The following DOCK1 variants were observed in gnomAD, a reference collection of about 807,000 sequenced individuals.
DOCK1 encodes the protein dedicator of cytokinesis protein 1.
In DOCK1, 138 loss-of-function variants were observed where a neutral mutation model predicts 262.7. The ratio of observed to expected loss-of-function variants is 0.53; its 90% CI spans 0.46 to 0.61. The LOEUF is 0.61. DOCK1 is among the 20% of genes least tolerant of loss of function. The pLI, the probability that DOCK1 is intolerant of heterozygous loss-of-function variation, is 0.00. For missense variants in DOCK1, 1,908 were observed against 2,370.7 expected, an observed-to-expected ratio of 0.80 and a Z score of 4.05; for synonymous variants, 866 against 867.4, an observed-to-expected ratio of 1.00 and a Z score of 0.03.
chr10:127,324,905 G>C (rs183669507), intron 29 of DOCK1, among the ~76,000 whole-genome samples: 1 of 152,246 alleles, frequency 6.6e-6, no homozygotes, highest in East Asian at 1.9e-4. Context: ...AATTTGCATG[G>C]ATAGTCATCT....
intron 23 of DOCK1, among the ~76,000 whole-genome samples, chr10:127,101,551 CA>C (rs2048248121): frequency 6.6e-6 from 1 of 152,208 alleles, no homozygotes; most frequent in South Asian, 2.1e-4. Flanking sequence ...GTCCCCGCCT[CA>C]GGGGGCACAA....
At chr10:127,090,150 G>C (rs1430672428) in intron 23 of DOCK1, among the ~76,000 whole-genome samples, 1 of 152,114 alleles carries the variant, frequency 6.6e-6, no homozygotes, top group Non-Finnish European at 1.5e-5. Context: ...TTCCTGGGCA[G>C]GTTCTATTAA....
At chr10:127,419,233 A>G (rs2134472311) in intron 45 of DOCK1, among the ~76,000 whole-genome samples, 1 of 152,356 alleles carries the variant, frequency 6.6e-6, no homozygotes, top group South Asian at 2.1e-4. Flanking sequence ...TGAGACAAAA[A>G]GGATACTGCC....
chr10:127,075,453 G>A (rs573099488), intron 23 of DOCK1, among the ~76,000 whole-genome samples: 41 of 152,166 alleles, frequency 2.7e-4, no homozygotes, highest in African/African-American at 9.6e-4. Flanking sequence ...TGTAATTTTT[G>A]TAGAGATATG....
At chr10:126,955,082 A>G (rs1450974337) in intron 1 of DOCK1, among the ~76,000 whole-genome samples, 3 of 152,194 alleles carry the variant, frequency 2.0e-5, no homozygotes, top group East Asian at 1.9e-4. Flanking sequence ...ATTTATTTAA[A>G]TAATAGCCAT....
chr10:127,037,957 G>T (rs1325829989), intron 19 of DOCK1, 141 bp downstream of exon 19: 1 of 704,484 alleles, frequency 1.4e-6, no homozygotes, highest in African/African-American at 1.8e-5. Flanking sequence ...ATAGGGATTG[G>T]GTGCGGTGGC....
intron 29 of DOCK1, among the ~76,000 whole-genome samples, chr10:127,319,197 C>T (rs1363833968): frequency 6.6e-6 from 1 of 152,256 alleles, no homozygotes; most frequent in Admixed American, 6.5e-5. Flanking sequence ...AAAACTGTTT[C>T]CATCCCTGAT....
chr10:127,034,047 G>C (rs1021501481), intron 18 of DOCK1, among the ~76,000 whole-genome samples: 39 of 152,166 alleles, frequency 2.6e-4, no homozygotes, highest in Non-Finnish European at 8.8e-5. Context: ...GCCTTACCTG[G>C]GTGTGGGATC....
intron 27 of DOCK1, among the ~76,000 whole-genome samples, chr10:127,147,621 G>T (rs1276648871): frequency 6.6e-6 from 1 of 152,076 alleles, no homozygotes; most frequent in African/African-American, 2.4e-5. Flanking sequence ...GTCTCCCAGG[G>T]CCTGGTGCAG....
chr10:126,959,783 T>C (rs2037051275), intron 1 of DOCK1, among the ~76,000 whole-genome samples: 1 of 152,170 alleles, frequency 6.6e-6, no homozygotes, highest in African/African-American at 2.4e-5. Flanking sequence ...TTGGAAGTTG[T>C]CTTTGCTAGT....
chr10:127,056,928 G>A (rs1038957420), intron 22 of DOCK1, among the ~76,000 whole-genome samples: 1 of 152,084 alleles, frequency 6.6e-6, no homozygotes, highest in African/African-American at 2.4e-5. Context: ...TGGACGGTAG[G>A]GCAGAAGTCT....
intron 13 of DOCK1, among the ~76,000 whole-genome samples, chr10:127,021,665 C>CACGGTT (rs2042431981): frequency 6.6e-6 from 1 of 152,166 alleles, no homozygotes; most frequent in African/African-American, 2.4e-5. Context: ...TCCTGTGCTC[C>CACGGTT]ACGGTTCTTC....
intron 1 of DOCK1, among the ~76,000 whole-genome samples, chr10:126,951,574 G>A (rs1056210427): frequency 6.0e-5 from 9 of 151,146 alleles, no homozygotes; most frequent in Non-Finnish European, 1.0e-4. Flanking sequence ...GGTGATTGTG[G>A]TGGTGGTAGT....
intron 46 of DOCK1, among the ~76,000 whole-genome samples, chr10:127,422,252 C>T (rs2068561384): frequency 6.8e-6 from 1 of 147,418 alleles, no homozygotes. Flanking sequence ...CTGCAACCTC[C>T]ACCTCCCGGG....
chr10:127,373,945 T>C (rs1316415022), intron 34 of DOCK1, 79 bp downstream of exon 34: 7 of 1,536,142 alleles, frequency 4.6e-6, no homozygotes, highest in African/African-American at 1.4e-5. Flanking sequence ...CAATGAACTT[T>C]GTAACCCAGA....
chr10:127,249,483 A>T (rs1385030085), intron 28 of DOCK1, among the ~76,000 whole-genome samples: 3 of 151,806 alleles, frequency 2.0e-5, no homozygotes, highest in Non-Finnish European at 4.4e-5. Flanking sequence ...GTTGCTTAAC[A>T]ATTCTGCCAA....
intron 1 of DOCK1, among the ~76,000 whole-genome samples, chr10:126,926,449 A>G (rs899513644): frequency 5.9e-5 from 9 of 152,140 alleles, no homozygotes; most frequent in Non-Finnish European, 7.3e-5. Flanking sequence ...TTACATGTCA[A>G]CTTAAGGGAA....
chr10:126,961,194 A>G lies in DOCK1; in HGVS notation c.47-9508A>G. Among the ~76,000 whole-genome samples, 3 of 152,308 alleles carry G rather than the reference A, an allele frequency of 2.0e-5. No individual in the cohort carries two copies. The Middle Eastern group carries it at 0.01, about 518-fold the overall frequency. On this transcript the variant is annotated intron_variant, in intron 1 of 51. Transcript: ENST00000623213. ...CAAACATTGCATGAAATACTGCCTCAGGGGATTCTACTGGCAGAGCCACAA... is the reference window on the plus strand; with the variant it reads ...CAAACATTGCATGAAATACTGCCTCGGGGGATTCTACTGGCAGAGCCACAA...
intron 21 of DOCK1, among the ~76,000 whole-genome samples, chr10:127,052,168 A>G (rs2135733386): frequency 6.6e-6 from 1 of 152,356 alleles, no homozygotes; most frequent in South Asian, 2.1e-4. Context: ...ACACTTAGAA[A>G]GGGCTTATTA....
Sources: gnomAD v4.1 joint callset for allele counts (sites outside exome capture counted in the v4.1 genomes callset) on GRCh38, gnomAD v4.1.1 for gene constraint, MANE v1.5 for transcripts, NCBI Gene and HGNC (gene_info 2026-07-23, HGNC 2026-07-21) for gene names.